MYCT1: variants seen among roughly 807,000 people sequenced by gnomAD.
MYCT1 encodes myc target protein 1.
In MYCT1, 12 loss-of-function variants were observed where a neutral mutation model predicts 15.0. The ratio of observed to expected loss-of-function variants is 0.80; its 90% confidence interval spans 0.51 to 1.29. MYCT1 has a LOEUF of 1.29. MYCT1 is among the 50% of genes most tolerant of loss of function. The probability of loss-of-function intolerance (pLI) is 0.00; values close to 1 mark genes in which losing one functional copy is unlikely to be tolerated. For missense variants in MYCT1, 287 were observed against 279.1 expected (o/e 1.03, Z -0.20); for synonymous variants, 104 against 102.7 (o/e 1.01, Z -0.07).
downstream of MYCT1, among the ~76,000 whole-genome samples, chr6:152,726,396 T>TA (rs55634200): frequency 0.076 from 9,700 of 127,642 alleles, 399 homozygotes; most frequent in African/African-American, 0.088. Flanking sequence ...AAACTCTGTC[T>TA]AAAAAAAAAA....
downstream of MYCT1, among the ~76,000 whole-genome samples, chr6:152,729,560 A>G (rs1340152): frequency 0.54 from 81,837 of 152,048 alleles, 24,424 homozygotes; most frequent in Non-Finnish European, 0.66. Context: ...GTATAATGCA[A>G]AGAACCAAGC....
intron 1 of MYCT1, among the ~76,000 whole-genome samples, chr6:152,703,940 T>TTTTTTA (rs1422135055): frequency 5.6e-4 from 69 of 123,108 alleles, no homozygotes; most frequent in Middle Eastern, 4.0e-3. Flanking sequence ...TTTTCCCTGT[T>TTTTTTA]TTTTATTTTA....
At chr6:152,741,313 A>T in the MYCT1 span, among the ~76,000 whole-genome samples, 2 of 152,168 alleles carry the variant, frequency 1.3e-5, no homozygotes, top group Non-Finnish European at 1.5e-5. Flanking sequence ...ACATAAGAAC[A>T]TTTCCAGATT....
Position 152,722,053 on chromosome 6 carries a change from T to A in MYCT1, c.508T>A (p.Phe170Ile). ...TTTCAGAGCTTCTACTTTCCATCCC[T>A]TTCTGCAATGTCCACCACTTCCTGT... ...SSFRASTFHP[F>I]LQCPPLPVET... Residue 170 changes from phenylalanine (F) to isoleucine (I), a missense_variant, in exon 2 of 2, where the codon TTT (phenylalanine) becomes ATT (isoleucine). Physicochemically the swap from Phe to Ile is conservative, Grantham distance 21. Transcript: ENST00000367245. 6.2e-7 allele frequency: 1 copy of A among 1,614,158 alleles called. No homozygotes were observed. The highest frequency in any genetic ancestry group is 1.1e-5 in the South Asian group (1 of 91,084).
intron 1 of MYCT1, among the ~76,000 whole-genome samples, chr6:152,719,580 T>C (rs532219859): frequency 6.6e-6 from 1 of 152,310 alleles, no homozygotes; most frequent in South Asian, 2.1e-4. Flanking sequence ...CATAAAGCCA[T>C]TGCTTTAGAG....
At chr6:152,716,282 ATAT>A (rs975882594) in intron 1 of MYCT1, among the ~76,000 whole-genome samples, 6 of 152,202 alleles carry the variant, frequency 3.9e-5, no homozygotes, top group African/African-American at 1.4e-4. Flanking sequence ...TATGCCCTAA[ATAT>A]TATTCTCCCT....
chr6:152,706,847 A>ATGTGTGTGTG (rs4034690), intron 1 of MYCT1, among the ~76,000 whole-genome samples: 2,609 of 148,280 alleles, frequency 0.018, 59 homozygotes, highest in African/African-American at 0.057. Flanking sequence ...GAAACCATAT[A>ATGTGTGTGTG]TGTGTGTGTG....
chr6:152,738,050 TA>T, the MYCT1 span, among the ~76,000 whole-genome samples: 1 of 152,098 alleles, frequency 6.6e-6, no homozygotes, highest in Non-Finnish European at 1.5e-5. Context: ...TCTTTATTTG[TA>T]ACAGAAAATA....
the MYCT1 span, among the ~76,000 whole-genome samples, chr6:152,746,275 T>C: frequency 2.0e-5 from 3 of 152,338 alleles, no homozygotes; most frequent in East Asian, 3.9e-4. Flanking sequence ...GGCAGACGCC[T>C]GAAACCACTG....
At chr6:152,727,324 T>TGTCCAGG (rs1219407915), downstream of MYCT1, among the ~76,000 whole-genome samples, 1 of 152,236 alleles carries the variant, frequency 6.6e-6, no homozygotes, top group Non-Finnish European at 1.5e-5. Context: ...AAAAAATATT[T>TGTCCAGG]GTCCAGGGCC....
intron 1 of MYCT1, among the ~76,000 whole-genome samples, chr6:152,717,690 C>A (rs1384967807): frequency 2.0e-5 from 3 of 152,196 alleles, no homozygotes; most frequent in Admixed American, 2.0e-4. Flanking sequence ...CCAATTAAAC[C>A]TCTTTCTTTT....
At chr6:152,731,291 GTTTAA>G in the MYCT1 span, among the ~76,000 whole-genome samples, 4 of 152,004 alleles carry the variant, frequency 2.6e-5, no homozygotes, top group African/African-American at 9.7e-5. Context: ...TTTTGTGTGT[GTTTAA>G]TTAAATTTTT....
At chr6:152,739,445 T>G in the MYCT1 span, among the ~76,000 whole-genome samples, 1 of 152,030 alleles carries the variant, frequency 6.6e-6, no homozygotes, top group Middle Eastern at 3.9e-3. Context: ...GATTTTGATA[T>G]AGATTGATGT....
At position 152,722,752 on chromosome 6, in the gene MYCT1, T is replaced by A. The variant is rs1400861519; in HGVS notation, c.*499T>A. The A allele has an allele frequency of 2.4e-6, 1 of 413,622 alleles. No homozygotes were observed. Among genetic ancestry groups the A allele is most frequent in the Admixed American group, 2.8e-5 (1 of 35,172 alleles). 25.6% of individuals were successfully genotyped at this position (413,622 alleles called of 1,614,324 possible). A position where few individuals can be genotyped will look rare whatever the true frequency, so the allele number is the denominator to read the frequency against. ...AATCTTAGATTTTTCTTTTTTTTTC[T>A]TTTGAGACAGGGTCTTGATCCGTCG... On this transcript the variant is annotated 3_prime_UTR_variant, in exon 2 of 2. Coordinates refer to ENST00000367245, the MANE Select transcript of MYCT1 (RefSeq NM_025107.3).
the MYCT1 span, among the ~76,000 whole-genome samples, chr6:152,745,708 G>A: frequency 2.6e-5 from 4 of 152,088 alleles, no homozygotes; most frequent in East Asian, 7.7e-4. Context: ...GAAATATGCA[G>A]TGACATCTGG....
the MYCT1 span, among the ~76,000 whole-genome samples, chr6:152,736,915 T>C: frequency 6.6e-6 from 1 of 152,156 alleles, no homozygotes; most frequent in African/African-American, 2.4e-5. Flanking sequence ...TGTTTGGAAG[T>C]AAGCACAGGG....
At chr6:152,742,598 G>A in the MYCT1 span, among the ~76,000 whole-genome samples, 3 of 152,164 alleles carry the variant, frequency 2.0e-5, no homozygotes, top group Non-Finnish European at 4.4e-5. Flanking sequence ...ATGGAAAAGA[G>A]CTTGGAAGAA....
chr6:152,724,931 T>G (rs1486434703), downstream of MYCT1, among the ~76,000 whole-genome samples: 1 of 151,908 alleles, frequency 6.6e-6, no homozygotes, highest in Admixed American at 6.6e-5. Context: ...TCTCATTAGC[T>G]AAATACATAA....
At position 152,697,935 on chromosome 6, in the gene MYCT1, A is replaced by C. The variant is rs367753265; in HGVS notation, c.33A>C (p.Lys11Asn). ...CACAAGTATATGAGGGGTTGTGTAA[A>C]AATTATTTTTCTCTTGCTGTACTAC... Reference protein sequence around the residue: MRTQVYEGLCKNYFSLAVLQR... With the variant: MRTQVYEGLCNNYFSLAVLQR... Residue 11 changes from lysine to asparagine, a missense_variant, in exon 1 of 2, where the codon AAA becomes AAC. Lys to Asn is a moderately conservative substitution (Grantham distance 94). Coordinates refer to ENST00000367245, the MANE Select transcript of MYCT1 (RefSeq NM_025107.3). The C allele has an allele frequency of 1.2e-6, 2 of 1,601,710 alleles. No homozygotes were observed. Among genetic ancestry groups the C allele is most frequent in the Admixed American group, 1.7e-5 (1 of 57,264 alleles).
Sources: allele counts gnomAD v4.1 joint callset (sites outside exome capture counted in the v4.1 genomes callset), GRCh38; gene constraint gnomAD v4.1.1; transcripts MANE v1.5; gene names NCBI Gene and HGNC (gene_info 2026-07-23, HGNC 2026-07-21).